The following PIBF1 variants were observed in gnomAD, a reference collection of about 807,000 sequenced individuals.
The protein encoded by PIBF1 is progesterone-induced-blocking factor 1.
A neutral mutation model predicts 112.5 loss-of-function variants in PIBF1; 90 were observed. That is an observed-to-expected ratio of 0.80 (90% CI 0.67 to 0.95). The LOEUF is 0.95. Ranked by LOEUF, PIBF1 falls within the 40% of genes least tolerant of loss-of-function variation. PIBF1 has a pLI of 0.00. For synonymous variants in PIBF1, 301 were observed against 288.6 expected (o/e 1.04, Z -0.44); for missense variants, 915 against 852.3 (o/e 1.07, Z -0.92).
At chr13:72,905,066 C>CT (rs200453982) in intron 11 of PIBF1, among the ~76,000 whole-genome samples, 1,176 of 104,838 alleles carry the variant, frequency 0.011, 20 homozygotes, top group African/African-American at 0.044. Context: ...AAATCCCATA[C>CT]TTTTTTTTTT....
intron 15 of PIBF1, among the ~76,000 whole-genome samples, chr13:72,972,251 C>T (rs1012179442): frequency 2.6e-5 from 4 of 151,854 alleles, no homozygotes; most frequent in African/African-American, 9.7e-5. Context: ...AGACTAGGCT[C>T]GAACTCCTGG....
intron 2 of PIBF1, among the ~76,000 whole-genome samples, chr13:72,784,616 C>T (rs898052206): frequency 6.6e-6 from 1 of 151,594 alleles, no homozygotes; most frequent in South Asian, 2.1e-4. Context: ...AAAATAGCCC[C>T]GCGTAGTGGT....
intron 12 of PIBF1, among the ~76,000 whole-genome samples, chr13:72,911,583 G>C (rs2040896453): frequency 6.6e-6 from 1 of 152,046 alleles, no homozygotes. Context: ...CATGGCCCTT[G>C]AATGTAATTA....
chr13:72,819,678 C>T (rs2138111417), intron 5 of PIBF1, among the ~76,000 whole-genome samples: 1 of 152,056 alleles, frequency 6.6e-6, no homozygotes, highest in Admixed American at 6.6e-5. Flanking sequence ...GTTAAGTCGA[C>T]AATGTATATA....
chr13:72,993,090 T>C (rs1372956131), intron 16 of PIBF1, among the ~76,000 whole-genome samples: 1 of 152,022 alleles, frequency 6.6e-6, no homozygotes, highest in Non-Finnish European at 1.5e-5. Flanking sequence ...TCCCCACATT[T>C]TGAGAGGCCA....
At chr13:72,977,654 A>G (rs1173119841) in intron 16 of PIBF1, among the ~76,000 whole-genome samples, 2 of 152,240 alleles carry the variant, frequency 1.3e-5, no homozygotes, top group Admixed American at 1.3e-4. Flanking sequence ...TAGGTTGACA[A>G]TTCAGAAACA....
intron 17 of PIBF1, among the ~76,000 whole-genome samples, chr13:73,004,796 G>A (rs2043981685): frequency 6.6e-6 from 1 of 152,198 alleles, no homozygotes; most frequent in African/African-American, 2.4e-5. Context: ...CAAGTAGAGA[G>A]TTTCAGTCAA....
intron 9 of PIBF1, among the ~76,000 whole-genome samples, chr13:72,843,169 G>A (rs879798271): frequency 2.0e-5 from 3 of 152,154 alleles, no homozygotes; most frequent in East Asian, 1.9e-4. Context: ...TTATAACTAC[G>A]GTTGCAATGC....
chr13:72,819,470 A>G (rs1471671880), intron 5 of PIBF1, among the ~76,000 whole-genome samples: 4 of 152,024 alleles, frequency 2.6e-5, no homozygotes, highest in Admixed American at 6.6e-5. Context: ...TAAAACCTTC[A>G]TTGGCCCTGT....
chr13:72,935,528 C>T (rs562536548), intron 14 of PIBF1, among the ~76,000 whole-genome samples: 1 of 152,192 alleles, frequency 6.6e-6, no homozygotes, highest in South Asian at 2.1e-4. Flanking sequence ...TTTGTATGGA[C>T]GTATGCTTTC....
intron 10 of PIBF1, among the ~76,000 whole-genome samples, chr13:72,873,225 C>A (rs1348950868): frequency 2.6e-5 from 4 of 151,998 alleles, no homozygotes; most frequent in South Asian, 4.2e-4. Flanking sequence ...CATTTAGATA[C>A]CATATACAAA....
chr13:72,987,955 C>T (rs1339616546), intron 16 of PIBF1, among the ~76,000 whole-genome samples: 3 of 143,472 alleles, frequency 2.1e-5, no homozygotes, highest in Admixed American at 7.2e-5. Context: ...CTCCGCCCCC[C>T]GGGTTTATGT....
intron 9 of PIBF1, among the ~76,000 whole-genome samples, chr13:72,844,501 C>T (rs9564925): frequency 0.6 from 90,450 of 151,474 alleles, 27,662 homozygotes; most frequent in East Asian, 0.76. Context: ...CCCTTCACCC[C>T]AACAGGCCCC....
intron 13 of PIBF1, among the ~76,000 whole-genome samples, chr13:72,928,016 C>CACATATATATATACACACATATACATAT (rs1566458475): frequency 1.9e-5 from 1 of 53,996 alleles, no homozygotes; most frequent in African/African-American, 6.4e-5. Flanking sequence ...CATATATATA[C>CACATATATATATACACACATATACATAT]ATATATATAC....
intron 12 of PIBF1, among the ~76,000 whole-genome samples, chr13:72,909,965 T>C (rs2040841732): frequency 6.6e-6 from 1 of 152,208 alleles, no homozygotes; most frequent in African/African-American, 2.4e-5. Context: ...GCTGTGATGT[T>C]TGCTACAGTA....
intron 11 of PIBF1, among the ~76,000 whole-genome samples, chr13:72,901,786 G>T (rs778006546): frequency 7.9e-5 from 12 of 151,980 alleles, no homozygotes; most frequent in Non-Finnish European, 1.2e-4. Context: ...CAGCTGCTAT[G>T]GAAAACAGTG....
intron 6 of PIBF1, 130 bp downstream of exon 6, chr13:72,822,112 T>C: frequency 1.4e-6 from 1 of 740,272 alleles, no homozygotes; most frequent in Non-Finnish European, 2.1e-6. Flanking sequence ...ATGCATGCAG[T>C]TTTGGCAGTT....
chr13:72,790,427 A>T (rs921890816), intron 2 of PIBF1, among the ~76,000 whole-genome samples: 22 of 74,980 alleles, frequency 2.9e-4, no homozygotes, highest in African/African-American at 7.8e-4. Context: ...TCCATCACAC[A>T]CACACACACA....
At chr13:72,993,094 G>A (rs1289268769) in intron 16 of PIBF1, among the ~76,000 whole-genome samples, 4 of 152,098 alleles carry the variant, frequency 2.6e-5, no homozygotes, top group Non-Finnish European at 4.4e-5. Context: ...CACATTTTGA[G>A]AGGCCAAGGC....
Sources: gnomAD v4.1 joint callset for allele counts (sites outside exome capture counted in the v4.1 genomes callset) on GRCh38, gnomAD v4.1.1 for gene constraint, MANE v1.5 for transcripts, NCBI Gene and HGNC (gene_info 2026-07-23, HGNC 2026-07-21) for gene names.